Variants in RHCE observed in about 807,000 individuals in gnomAD.
The protein encoded by RHCE is Rh blood group CcEe antigens.
In RHCE, 22 loss-of-function variants were observed where a neutral mutation model predicts 43.8. The observed-to-expected ratio is 0.50, with a 90% CI of 0.36 to 0.72. The LOEUF (loss-of-function observed/expected upper bound fraction) is 0.72, where lower values mean the gene tolerates loss of function less well. Ranked by LOEUF, RHCE falls within the 30% of genes least tolerant of loss-of-function variation. The pLI, the probability that RHCE is intolerant of heterozygous loss-of-function variation, is 0.00. For synonymous variants in RHCE, 156 were observed against 210.7 expected (o/e 0.74, Z 2.25); for missense variants, 385 against 525.4 (o/e 0.73, Z 2.61).
chr1:25,415,658 A>G (rs2124531090), intron 1 of RHCE, among the ~76,000 whole-genome samples: 1 of 152,356 alleles, frequency 6.6e-6, no homozygotes, highest in South Asian at 2.1e-4. Flanking sequence ...CTCAAAAAAA[A>G]AAAGCTTTTG....
intron 7 of RHCE, among the ~76,000 whole-genome samples, chr1:25,376,222 T>C (rs898158028): frequency 2.0e-4 from 31 of 152,222 alleles, no homozygotes; most frequent in Admixed American, 1.0e-3. Context: ...ACTTCCAGGA[T>C]CTCTCTCCTT....
chr1:25,375,870 C>T (rs1282468598), intron 7 of RHCE, among the ~76,000 whole-genome samples: 2 of 138,264 alleles, frequency 1.4e-5, no homozygotes, highest in African/African-American at 2.9e-5. Context: ...CAGTGGTCGG[C>T]TCACTGCAAC....
At chr1:25,380,930 C>T (rs1272051020) in intron 7 of RHCE, among the ~76,000 whole-genome samples, 7 of 123,584 alleles carry the variant, frequency 5.7e-5, no homozygotes, top group Non-Finnish European at 4.8e-5. Flanking sequence ...GAGATGGAGT[C>T]TCGCTTTGTC....
upstream of RHCE, chr1:25,420,868 G>C (rs1557649072): frequency 5.1e-6 from 8 of 1,558,396 alleles, no homozygotes; most frequent in African/African-American, 2.7e-5. Context: ...GCTTGAGGGA[G>C]CGATAGGGGA....
At chr1:25,401,950 C>T (rs1178985740) in intron 3 of RHCE, among the ~76,000 whole-genome samples, 2 of 152,020 alleles carry the variant, frequency 1.3e-5, no homozygotes, top group Non-Finnish European at 2.9e-5. Context: ...GATCTCAGTT[C>T]ACTGCAACCT....
At position 25,402,631 on chromosome 1, in the gene RHCE, C is replaced by G; in HGVS notation, c.451G>C (p.Gly151Arg). 6.2e-7 allele frequency: 1 copy of G among 1,614,114 alleles called. No individual in the cohort carries two copies. Among genetic ancestry groups the G allele is most frequent in the South Asian group, 1.1e-5 (1 of 91,076 alleles). The change falls in exon 3 of 10, where the codon GGC (glycine) becomes CGC (arginine). Residue 151 changes from glycine (G) to arginine (R), a missense_variant. Physicochemically the swap from Gly to Arg is moderately radical, Grantham distance 125. Transcript: ENST00000294413. ...VMVLVEVTAL[G>R]TLRMVISNIF... Reference sequence around the variant, plus strand: ...TTACTGATGACCATCCTCAGGGTGCCTAAAGCTGTCACCTCCACCAGCACC... The same window carrying G: ...TTACTGATGACCATCCTCAGGGTGCGTAAAGCTGTCACCTCCACCAGCACC...
At chr1:25,388,920 C>G in intron 6 of RHCE, 56 bp downstream of exon 6, 1 of 1,614,062 alleles carries the variant, frequency 6.2e-7, no homozygotes, top group South Asian at 1.1e-5. Context: ...CATCAGGTCC[C>G]AGCGTCCTGC....
In RHCE at chr1:25,362,435, G is replaced by A. The variant is rs1645427866; in HGVS notation, c.*92C>T. ...TCATTATACATAAGGAGACTTTGCT[G>A]TCATGAGCGTTTCTCACGTACAAAT... On this transcript the variant is annotated 3_prime_UTR_variant, in exon 10 of 10. Coordinates refer to ENST00000294413, the MANE Select transcript of RHCE (RefSeq NM_020485.8). The A allele has an allele frequency of 4.3e-6, 7 of 1,613,458 alleles. No homozygotes were observed. Among genetic ancestry groups the A allele is most frequent in the Non-Finnish European group, 5.9e-6 (7 of 1,179,592 alleles).
intron 7 of RHCE, among the ~76,000 whole-genome samples, chr1:25,381,980 C>G (rs1447358299): frequency 6.6e-5 from 10 of 151,080 alleles, no homozygotes; most frequent in Non-Finnish European, 1.3e-4. Flanking sequence ...ATTTAGCTCA[C>G]AGTTCTAGAG....
At chr1:25,386,969 T>C (rs558464004) in intron 6 of RHCE, among the ~76,000 whole-genome samples, 293 of 152,246 alleles carry the variant, frequency 1.9e-3, no homozygotes, top group African/African-American at 6.7e-3. Flanking sequence ...AGGTGGAGGT[T>C]GCAGTGAGCT....
intron 8 of RHCE, 89 bp from the exon 9 acceptor site, chr1:25,370,629 G>A (rs914870670): frequency 2.8e-4 from 327 of 1,161,014 alleles, no homozygotes; most frequent in Non-Finnish European, 3.9e-4. Context: ...GTGTCAAAAC[G>A]ACAGTGTCTC....
intron 8 of RHCE, among the ~76,000 whole-genome samples, chr1:25,372,125 C>T (rs1234037426): frequency 6.6e-6 from 1 of 151,714 alleles, no homozygotes; most frequent in Non-Finnish European, 1.5e-5. Flanking sequence ...GGAACACCCA[C>T]TTATAACGTG....
At chr1:25,407,607 A>G (rs1646955006) in intron 2 of RHCE, among the ~76,000 whole-genome samples, 1 of 123,768 alleles carries the variant, frequency 8.1e-6, no homozygotes, top group African/African-American at 2.5e-5. Context: ...GCCTAGGATG[A>G]CGTTTACCAT....
At chr1:25,422,265 G>A (rs927348816), upstream of RHCE, among the ~76,000 whole-genome samples, 1 of 152,190 alleles carries the variant, frequency 6.6e-6, no homozygotes, top group African/African-American at 2.4e-5. Flanking sequence ...CTACCAATAT[G>A]ATGGTTCTGA....
intron 6 of RHCE, among the ~76,000 whole-genome samples, chr1:25,388,648 G>C (rs1646258733): frequency 6.6e-6 from 1 of 152,186 alleles, no homozygotes; most frequent in Non-Finnish European, 1.5e-5. Flanking sequence ...AGATATTCAG[G>C]AAAAGCAAAG....
At chr1:25,420,077 G>A (rs2042726055) in intron 1 of RHCE, among the ~76,000 whole-genome samples, 1 of 151,296 alleles carries the variant, frequency 6.6e-6, no homozygotes, top group Non-Finnish European at 1.5e-5. Flanking sequence ...AGCTTCTTGG[G>A]AGGCTGAGGT....
At chr1:25,389,717 T>C (rs1646297535) in intron 5 of RHCE, among the ~76,000 whole-genome samples, 1 of 152,150 alleles carries the variant, frequency 6.6e-6, no homozygotes, top group South Asian at 2.1e-4. Context: ...TTATTGTTTT[T>C]ATTATTATTA....
At chr1:25,374,011 G>A (rs991244359) in intron 8 of RHCE, among the ~76,000 whole-genome samples, 1 of 151,238 alleles carries the variant, frequency 6.6e-6, no homozygotes, top group Non-Finnish European at 1.5e-5. Context: ...GGCAGAGACA[G>A]GGTTTTCCCA....
At chr1:25,388,396 C>T (rs1335916005) in intron 6 of RHCE, among the ~76,000 whole-genome samples, 1 of 135,498 alleles carries the variant, frequency 7.4e-6, no homozygotes, top group Non-Finnish European at 1.6e-5. Flanking sequence ...ACTCCCTCTT[C>T]TGGGTGCTGC....
Sources: gnomAD v4.1 joint callset for allele counts (sites outside exome capture counted in the v4.1 genomes callset) on GRCh38, gnomAD v4.1.1 for gene constraint, MANE v1.5 for transcripts, NCBI Gene and HGNC (gene_info 2026-07-23, HGNC 2026-07-21) for gene names.